The following WNK3 variants were observed in gnomAD, a reference collection of about 807,000 sequenced individuals.
The protein encoded by WNK3 is serine/threonine-protein kinase WNK3.
A neutral mutation model predicts 116.7 loss-of-function variants in WNK3; 18 were observed. That is an observed-to-expected ratio of 0.15 (90% CI 0.11 to 0.23). WNK3 has a LOEUF of 0.23. WNK3 is among the 10% of genes least tolerant of loss of function. The pLI, the probability that WNK3 is intolerant of heterozygous loss-of-function variation, is 1.00. For synonymous variants in WNK3, 404 were observed against 469.4 expected, an observed-to-expected ratio of 0.86 and a Z score of 1.80; for missense variants, 993 against 1,323.8, an observed-to-expected ratio of 0.75 and a Z score of 3.88.
At chrX:54,312,717 A>C (rs1207238869) in intron 2 of WNK3, among the ~76,000 whole-genome samples, 1 of 111,566 alleles carries the variant, frequency 9.0e-6, no homozygotes, top group Non-Finnish European at 1.9e-5. Context: ...CTGGGACTAC[A>C]GGAGTGAGCT....
intron 2 of WNK3, 33 bp from the exon 3 acceptor site, chrX:54,311,324 C>A (rs1329487084): frequency 2.7e-6 from 3 of 1,113,093 alleles, no homozygotes; most frequent in African/African-American, 3.6e-5. Context: ...AAAATAAAGT[C>A]ATGAAAATTC....
chrX:54,215,096 G>A (rs1451107922), intron 22 of WNK3, among the ~76,000 whole-genome samples: 1 of 80,483 alleles, frequency 1.2e-5, no homozygotes, highest in Non-Finnish European at 2.2e-5. Flanking sequence ...CAGCCTGGGA[G>A]ACAGAGCCAG....
chrX:54,209,260 T>C (rs781943183), intron 22 of WNK3, among the ~76,000 whole-genome samples: 4 of 108,389 alleles, frequency 3.7e-5, no homozygotes, highest in East Asian at 3.0e-4. Flanking sequence ...TACCATTACA[T>C]TGCAATACCA....
At chrX:54,300,730 T>C (rs1557167313) in intron 6 of WNK3, among the ~76,000 whole-genome samples, 1 of 111,977 alleles carries the variant, frequency 8.9e-6, no homozygotes, top group Non-Finnish European at 1.9e-5. Context: ...TTTAAAAGCA[T>C]GCCTAAGCTC....
chrX:54,205,047 C>T (rs187175015), intron 22 of WNK3, among the ~76,000 whole-genome samples: 1 of 111,856 alleles, frequency 8.9e-6, no homozygotes, highest in East Asian at 2.8e-4. Flanking sequence ...GAAACCCCGT[C>T]TCTACCAAAA....
At chrX:54,239,456 A>G (rs1451760843) in intron 17 of WNK3, among the ~76,000 whole-genome samples, 1 of 111,116 alleles carries the variant, frequency 9.0e-6, no homozygotes, top group Non-Finnish European at 1.9e-5. Context: ...AATTTCCTTC[A>G]TATGTGCCAG....
chrX:54,348,350 T>C (rs1448662698), intron 1 of WNK3, among the ~76,000 whole-genome samples: 1 of 110,737 alleles, frequency 9.0e-6, no homozygotes, highest in Non-Finnish European at 1.9e-5. Flanking sequence ...CTAATTTTTG[T>C]ATTTTCAGTA....
chrX:54,219,140 A>G (rs1285784459), intron 22 of WNK3, among the ~76,000 whole-genome samples: 2 of 111,307 alleles, frequency 1.8e-5, no homozygotes, highest in Admixed American at 9.6e-5. Context: ...TCAGTGAACT[A>G]TAACTAAAGT....
At chrX:54,355,714 C>A (rs1557179282) in intron 1 of WNK3, among the ~76,000 whole-genome samples, 1 of 111,325 alleles carries the variant, frequency 9.0e-6, no homozygotes, top group Non-Finnish European at 1.9e-5. Flanking sequence ...CCAGCCTCAA[C>A]CTAAGATTCC....
exon 17 of WNK3, chrX:54,249,514 T>C: frequency 8.3e-7 from 1 of 1,211,868 alleles, no homozygotes; most frequent in Non-Finnish European, 1.1e-6. Context: ...TTCAGAAATC[T>C]TACCATCAAC....
chrX:54,343,602 C>G lies in WNK3; in HGVS notation c.-119-9810G>C, dbSNP rs782414117. On this transcript the variant is annotated intron_variant, in intron 1 of 23. Transcript: ENST00000354646. ...TGGAATGATACAGAGAAGATTAGCA[C>G]GGCCCCTGCACAAGGATGACATGCA... is the stretch of plus-strand genomic sequence containing the variant. 4 of 111,178 alleles carry G rather than the reference C, an allele frequency of 3.6e-5. No individual in the cohort carries two copies. The Admixed American group carries it at 3.9e-4, about 11-fold the overall frequency. The allele number at this position is 111,178 out of a possible 1,213,427, so 9.2% of individuals were successfully genotyped here. A position where few individuals can be genotyped will look rare whatever the true frequency, so the allele number is the denominator to read the frequency against.
At chrX:54,344,502 G>T (rs1378747858) in intron 1 of WNK3, among the ~76,000 whole-genome samples, 1 of 112,199 alleles carries the variant, frequency 8.9e-6, no homozygotes, top group Non-Finnish European at 1.9e-5. Flanking sequence ...AGCATAGAAG[G>T]TTCACATGTT....
chrX:54,355,973 G>T lies in WNK3; in HGVS notation c.-120+1713C>A, dbSNP rs782539750. Among the ~76,000 whole-genome samples, 14 of 111,296 alleles carry T rather than the reference G, an allele frequency of 1.3e-4. 1 individual carries two copies. Among genetic ancestry groups the T allele is most frequent in the Admixed American group, 5.8e-4 (6 of 10,346 alleles). On this transcript the variant is annotated intron_variant, in intron 1 of 23. Transcript: ENST00000354646. ...ACCTTTTGTATTCAAACTGCGGGTA[G>T]CCTAAACAAGGATTACACTCTTTCC...
intron 10 of WNK3, among the ~76,000 whole-genome samples, chrX:54,287,943 A>G (rs1314349446): frequency 8.9e-6 from 1 of 112,408 alleles, no homozygotes; most frequent in African/African-American, 3.2e-5. Flanking sequence ...AATGCTCTGA[A>G]AAGCAGTGGA....
chrX:54,206,002 C>A (rs1468519000), intron 22 of WNK3, among the ~76,000 whole-genome samples: 4 of 111,784 alleles, frequency 3.6e-5, no homozygotes, highest in Non-Finnish European at 7.5e-5. Context: ...GTGATCACTC[C>A]ACTGCATTAT....
At chrX:54,294,455 A>G (rs2068674037) in intron 8 of WNK3, 98 bp downstream of exon 8, 1 of 674,290 alleles carries the variant, frequency 1.5e-6, no homozygotes, top group Non-Finnish European at 2.1e-6. Flanking sequence ...AAAGGAAAAG[A>G]AACAAAATAG....
chrX:54,201,737 G>T (rs1557141653), intron 23 of WNK3, among the ~76,000 whole-genome samples: 1 of 112,078 alleles, frequency 8.9e-6, no homozygotes, highest in African/African-American at 3.2e-5. Context: ...CTATAACAGA[G>T]TTAAGTAGTT....
At chrX:54,205,933 T>TAAAA (rs2067549469) in intron 22 of WNK3, among the ~76,000 whole-genome samples, 1 of 111,632 alleles carries the variant, frequency 9.0e-6, no homozygotes, top group Non-Finnish European at 1.9e-5. Context: ...CAGAGTTCAG[T>TAAAA]CCTTGATGTT....
At chrX:54,351,203 C>G (rs902569431) in intron 1 of WNK3, among the ~76,000 whole-genome samples, 1 of 110,972 alleles carries the variant, frequency 9.0e-6, no homozygotes, top group Non-Finnish European at 1.9e-5. Context: ...TGACACTCTT[C>G]GGGAGAAAAG....
Sources: allele counts gnomAD v4.1 joint callset (sites outside exome capture counted in the v4.1 genomes callset), GRCh38; gene constraint gnomAD v4.1.1; transcripts MANE v1.5; gene names NCBI Gene and HGNC (gene_info 2026-07-23, HGNC 2026-07-21).